PTPRD: variants seen among roughly 807,000 people sequenced by gnomAD.
The protein encoded by PTPRD is receptor-type tyrosine-protein phosphatase delta.
PTPRD carries 34 observed loss-of-function variants against 214.5 expected under a neutral mutation model. The observed-to-expected ratio is 0.16, with a 90% CI of 0.12 to 0.21. The LOEUF is 0.21. Among genes scored for constraint, PTPRD ranks in the 10% least tolerant of loss-of-function variants. The pLI, the probability that PTPRD is intolerant of heterozygous loss-of-function variation, is 1.00. For missense variants in PTPRD, 2,545 were observed against 2,398.7 expected, an observed-to-expected ratio of 1.06 and a Z score of -1.27; for synonymous variants, 1,128 against 845.7, an observed-to-expected ratio of 1.33 and a Z score of -5.79.
chr9:9,609,229 G>C (rs2094375684), intron 7 of PTPRD, among the ~76,000 whole-genome samples: 1 of 152,028 alleles, frequency 6.6e-6, no homozygotes, highest in Non-Finnish European at 1.5e-5. Flanking sequence ...AACTCAGCAT[G>C]TACTTAAAAT....
intron 2 of PTPRD, among the ~76,000 whole-genome samples, chr9:10,496,629 C>G (rs2042114808): frequency 6.6e-6 from 1 of 151,720 alleles, no homozygotes. Flanking sequence ...TCTTTTTTGA[C>G]TTTTGAATAA....
chr9:10,034,592 T>C (rs551197053), intron 3 of PTPRD, among the ~76,000 whole-genome samples: 1 of 151,902 alleles, frequency 6.6e-6, no homozygotes, highest in Non-Finnish European at 1.5e-5. Flanking sequence ...CACCCTCCAA[T>C]AGGCCCCAGT....
chr9:10,060,708 A>T (rs2097746594), intron 3 of PTPRD, among the ~76,000 whole-genome samples: 1 of 151,882 alleles, frequency 6.6e-6, no homozygotes, highest in Non-Finnish European at 1.5e-5. Flanking sequence ...AAGGCTTTTT[A>T]AAAAGTATTA....
intron 11 of PTPRD, among the ~76,000 whole-genome samples, chr9:8,762,397 T>G (rs1324769988): frequency 6.6e-6 from 1 of 152,172 alleles, no homozygotes; most frequent in African/African-American, 2.4e-5. Context: ...CATGCAGAAG[T>G]CAGCTATGTT....
At chr9:9,682,523 G>C (rs900202099) in intron 7 of PTPRD, among the ~76,000 whole-genome samples, 11 of 151,648 alleles carry the variant, frequency 7.3e-5, no homozygotes, top group African/African-American at 2.7e-4. Context: ...GCAAGTGATA[G>C]GGTAGATCAA....
intron 2 of PTPRD, among the ~76,000 whole-genome samples, chr9:10,417,814 C>T (rs777871484): frequency 2.0e-5 from 3 of 151,708 alleles, no homozygotes; most frequent in Admixed American, 6.6e-5. Context: ...ATTAGAGAAG[C>T]GATCTAGTCT....
At chr9:9,108,892 G>A (rs928890793) in intron 10 of PTPRD, among the ~76,000 whole-genome samples, 6 of 152,162 alleles carry the variant, frequency 3.9e-5, no homozygotes, top group Admixed American at 2.6e-4. Flanking sequence ...GCATGCCTCT[G>A]TCATTCAGAG....
intron 3 of PTPRD, among the ~76,000 whole-genome samples, chr9:10,230,948 A>T (rs2099607319): frequency 6.6e-6 from 1 of 151,968 alleles, no homozygotes; most frequent in Non-Finnish European, 1.5e-5. Flanking sequence ...TAGATTATTG[A>T]GAATCTTATC....
In PTPRD at chr9:8,726,042, C is replaced by T. The variant is rs867424221; in HGVS notation, c.64+7738G>A. Among the ~76,000 whole-genome samples, 787 of 149,336 alleles carry T rather than the reference C, an allele frequency of 5.3e-3. 6 individuals carry two copies. Among genetic ancestry groups the T allele is most frequent in the African/African-American group, 0.019 (757 of 40,442 alleles). ...AGACAGACAGACACACACACACACA[C>T]ACACACACACACACACACACACAGT... On this transcript the variant is annotated intron_variant, in intron 12 of 45. Transcript: ENST00000381196.
chr9:9,878,964 G>C (rs1211862447), intron 5 of PTPRD, among the ~76,000 whole-genome samples: 1 of 152,106 alleles, frequency 6.6e-6, no homozygotes, highest in Non-Finnish European at 1.5e-5. Context: ...TTGAATGAAT[G>C]GATGAATGAA....
chr9:10,315,595 G>C (rs1207138250), intron 3 of PTPRD, among the ~76,000 whole-genome samples: 1 of 151,906 alleles, frequency 6.6e-6, no homozygotes, highest in African/African-American at 2.4e-5. Context: ...GCATGTTTTA[G>C]AGTGTCTCAA....
At chr9:9,005,289 C>T (rs2099456388) in intron 11 of PTPRD, among the ~76,000 whole-genome samples, 1 of 151,910 alleles carries the variant, frequency 6.6e-6, no homozygotes, top group African/African-American at 2.4e-5. Flanking sequence ...ATTTGCTCCT[C>T]AATAAAATGC....
chr9:10,420,303 C>G (rs751083021), intron 2 of PTPRD, among the ~76,000 whole-genome samples: 3 of 151,834 alleles, frequency 2.0e-5, no homozygotes, highest in Non-Finnish European at 4.4e-5. Context: ...CAGGTAATCT[C>G]TTGTCCTTTG....
intron 11 of PTPRD, among the ~76,000 whole-genome samples, chr9:8,916,791 A>T (rs1259024562): frequency 6.6e-6 from 1 of 152,130 alleles, no homozygotes; most frequent in African/African-American, 2.4e-5. Flanking sequence ...TTTTTGTTTC[A>T]AATTGGAAAC....
At chr9:8,524,425 C>T (rs1307858688) in intron 18 of PTPRD, among the ~76,000 whole-genome samples, 1 of 152,122 alleles carries the variant, frequency 6.6e-6, no homozygotes, top group Non-Finnish European at 1.5e-5. Flanking sequence ...TGCAACTGTG[C>T]TATTTGCATG....
chr9:8,801,005 C>G (rs984274316), intron 11 of PTPRD, among the ~76,000 whole-genome samples: 1 of 152,212 alleles, frequency 6.6e-6, no homozygotes, highest in African/African-American at 2.4e-5. Context: ...CTTAATCTCT[C>G]TAAGCCTTAG....
intron 12 of PTPRD, among the ~76,000 whole-genome samples, chr9:8,663,052 A>G (rs1260220696): frequency 6.6e-6 from 1 of 152,180 alleles, no homozygotes; most frequent in Non-Finnish European, 1.5e-5. Flanking sequence ...GTTAGCAATG[A>G]TAAAACCTGG....
intron 14 of PTPRD, among the ~76,000 whole-genome samples, chr9:8,530,153 A>C (rs2075310588): frequency 6.6e-6 from 1 of 152,088 alleles, no homozygotes; most frequent in African/African-American, 2.4e-5. Context: ...ATTTCTAATG[A>C]AGAAGCTCCA....
chr9:9,098,845 G>T (rs2099787350), intron 10 of PTPRD, among the ~76,000 whole-genome samples: 2 of 152,140 alleles, frequency 1.3e-5, no homozygotes, highest in Admixed American at 1.3e-4. Flanking sequence ...TGTTCACCAG[G>T]AGAATTACAT....
Sources: gnomAD v4.1 joint callset for allele counts (sites outside exome capture counted in the v4.1 genomes callset) on GRCh38, gnomAD v4.1.1 for gene constraint, MANE v1.5 for transcripts, NCBI Gene and HGNC (gene_info 2026-07-23, HGNC 2026-07-21) for gene names.